The following SP4 variants were observed in gnomAD, a reference collection of about 807,000 sequenced individuals.
SP4 encodes the protein Sp4 transcription factor.
SP4 carries 19 observed loss-of-function variants against 72.8 expected under a neutral mutation model. The ratio of observed to expected loss-of-function variants is 0.26; its 90% CI spans 0.18 to 0.38. SP4 has a LOEUF of 0.38. Ranked by LOEUF, SP4 falls within the 10% of genes least tolerant of loss-of-function variation. SP4 has a pLI of 1.00. For missense variants in SP4, 1,008 were observed against 926.3 expected, an observed-to-expected ratio of 1.09 and a Z score of -1.14; for synonymous variants, 395 against 333.1, an observed-to-expected ratio of 1.19 and a Z score of -2.02.
At chr7:21,436,875 A>G (rs1273603554) in intron 3 of SP4, among the ~76,000 whole-genome samples, 3 of 152,194 alleles carry the variant, frequency 2.0e-5, no homozygotes, top group African/African-American at 4.8e-5. Context: ...CCTTAGCCCT[A>G]TTTTAGAAAT....
intron 3 of SP4, among the ~76,000 whole-genome samples, chr7:21,453,206 G>A (rs1783655624): frequency 6.6e-6 from 1 of 152,224 alleles, no homozygotes; most frequent in Non-Finnish European, 1.5e-5. Context: ...AGTCCATGCA[G>A]TTAACTCCTG....
At chr7:21,485,286 T>C (rs942755404) in intron 5 of SP4, among the ~76,000 whole-genome samples, 1 of 151,964 alleles carries the variant, frequency 6.6e-6, no homozygotes, top group African/African-American at 2.4e-5. Context: ...TATGAATGAA[T>C]GGAGTTATTT....
At chr7:21,496,813 AG>A (rs1316645173) in intron 5 of SP4, among the ~76,000 whole-genome samples, 1 of 152,152 alleles carries the variant, frequency 6.6e-6, no homozygotes, top group Non-Finnish European at 1.5e-5. Flanking sequence ...TTCAGCACTC[AG>A]CCAGTCATTT....
At chr7:21,437,893 C>T (rs938259975) in intron 3 of SP4, among the ~76,000 whole-genome samples, 11 of 152,154 alleles carry the variant, frequency 7.2e-5, no homozygotes, top group African/African-American at 2.7e-4. Flanking sequence ...AAGAAGGATT[C>T]CCAGAATGAA....
chr7:21,491,671 G>C (rs1037895378), intron 5 of SP4, among the ~76,000 whole-genome samples: 1 of 152,142 alleles, frequency 6.6e-6, no homozygotes, highest in Non-Finnish European at 1.5e-5. Flanking sequence ...TTATATACCG[G>C]GGAACAAAAA....
In SP4 at chr7:21,429,922, G is replaced by A; in HGVS notation, c.757G>A (p.Val253Ile). The A allele has an allele frequency of 6.2e-7, 1 of 1,614,208 alleles. No individual in the cohort carries two copies. The highest frequency in any genetic ancestry group is 1.3e-5 in the African/African-American group (1 of 75,062). The part of the protein sequence containing the change: ...LQTLPGTQAQ[V>I]VTTLPINIGG... ...GACTCTTCCTGGTACTCAGGCTCAAGTTGTAACAACCCTACCAATTAACAT... is the reference window on the plus strand; with the variant it reads ...GACTCTTCCTGGTACTCAGGCTCAAATTGTAACAACCCTACCAATTAACAT... Residue 253 changes from valine (V) to isoleucine (I), a missense_variant, in exon 3 of 6, where the codon GTT becomes ATT. By Grantham distance (29) the Val-to-Ile change is conservative. Around this residue, in one of 3 missense-constraint regions of SP4, gnomAD observed 893 missense variants for 743.3 expected, o/e 1.20. Coordinates refer to ENST00000222584, the MANE Select transcript of SP4 (RefSeq NM_003112.5).
intron 5 of SP4, among the ~76,000 whole-genome samples, chr7:21,499,070 ACT>A (rs1476180900): frequency 1.6e-5 from 2 of 125,490 alleles, no homozygotes; most frequent in Admixed American, 8.2e-5. Context: ...ATGGAGCAAG[ACT>A]CTGTCTCAAA....
At chr7:21,481,056 C>G (rs1034257740) in intron 4 of SP4, among the ~76,000 whole-genome samples, 2 of 152,190 alleles carry the variant, frequency 1.3e-5, no homozygotes, top group Non-Finnish European at 2.9e-5. Flanking sequence ...CTGGCCTCTC[C>G]TGGCTTAGAA....
intron 5 of SP4, among the ~76,000 whole-genome samples, chr7:21,497,323 T>G (rs1781736163): frequency 6.6e-6 from 1 of 152,162 alleles, no homozygotes; most frequent in Non-Finnish European, 1.5e-5. Context: ...TTCAGGCTGT[T>G]ATTTTTCAAG....
chr7:21,496,616 A>T (rs184478225), intron 5 of SP4, among the ~76,000 whole-genome samples: 26 of 151,704 alleles, frequency 1.7e-4, no homozygotes, highest in Admixed American at 1.6e-3. Context: ...ACTCGATGTG[A>T]CTCTCTGCAT....
intron 3 of SP4, among the ~76,000 whole-genome samples, chr7:21,434,548 C>T (rs1449199171): frequency 6.6e-6 from 1 of 152,126 alleles, no homozygotes; most frequent in Non-Finnish European, 1.5e-5. Context: ...TATGTGTATG[C>T]TCTGCATACT....
At chr7:21,461,191 C>T (rs1010649258) in intron 3 of SP4, among the ~76,000 whole-genome samples, 16 of 152,320 alleles carry the variant, frequency 1.1e-4, no homozygotes, top group Admixed American at 7.2e-4. Flanking sequence ...CCGTGCCATG[C>T]GCCCGCACTC....
chr7:21,439,459 C>A (rs1008552611), intron 3 of SP4, among the ~76,000 whole-genome samples: 2 of 151,806 alleles, frequency 1.3e-5, no homozygotes, highest in Admixed American at 6.6e-5. Flanking sequence ...TACACTGTAC[C>A]CATTAAGTAA....
At chr7:21,443,077 C>T (rs1392499698) in intron 3 of SP4, among the ~76,000 whole-genome samples, 1 of 152,280 alleles carries the variant, frequency 6.6e-6, no homozygotes, top group African/African-American at 2.4e-5. Context: ...AGAATTAGCT[C>T]AAGGAGTGTT....
At chr7:21,486,382 C>G (rs941776247) in intron 5 of SP4, among the ~76,000 whole-genome samples, 9 of 152,126 alleles carry the variant, frequency 5.9e-5, no homozygotes, top group African/African-American at 1.4e-4. Context: ...ATTAATTACA[C>G]TTTCCACCAA....
chr7:21,467,929 G>A (rs1384064052), intron 3 of SP4, among the ~76,000 whole-genome samples: 2 of 152,116 alleles, frequency 1.3e-5, no homozygotes, highest in South Asian at 2.1e-4. Flanking sequence ...TGAACCTGCT[G>A]TATGATTATT....
At chr7:21,475,406 G>A (rs943831770) in intron 3 of SP4, among the ~76,000 whole-genome samples, 16 of 151,912 alleles carry the variant, frequency 1.1e-4, no homozygotes, top group Admixed American at 2.6e-4. Flanking sequence ...GAGCCACCAC[G>A]CCTGGCCTGA....
At chr7:21,448,982 G>A (rs908286648) in intron 3 of SP4, among the ~76,000 whole-genome samples, 10 of 152,066 alleles carry the variant, frequency 6.6e-5, no homozygotes, top group African/African-American at 1.9e-4. Flanking sequence ...TACCTCTTCC[G>A]GGGTTAACCA....
chr7:21,430,238 C>T lies in SP4; in HGVS notation c.1073C>T (p.Thr358Ile). The T allele has an allele frequency of 6.2e-7, 1 of 1,614,196 alleles. No individual in the cohort carries two copies. The highest frequency in any genetic ancestry group is 8.5e-7 in the Non-Finnish European group (1 of 1,180,044). The change falls in exon 3 of 6, where the codon ACC (threonine) becomes ATC (isoleucine). Residue 358 changes from threonine to isoleucine, a missense_variant. Physicochemically the swap from Thr to Ile is moderately conservative, Grantham distance 89. This residue lies in a region of SP4 where 893 missense variants were observed against 743.3 expected (regional missense o/e 1.20). Coordinates refer to ENST00000222584, the MANE Select transcript of SP4 (RefSeq NM_003112.5). ...ASTSASSSER[T>I]IEESQTPAAT... ...ACATCAGCCAGTAGTTCTGAACGCA[C>T]CATTGAAGAATCTCAAACACCTGCT...
Sources: allele counts gnomAD v4.1 joint callset (sites outside exome capture counted in the v4.1 genomes callset), GRCh38; gene constraint gnomAD v4.1.1; regional missense constraint gnomAD v4.1.1; transcripts MANE v1.5; gene names NCBI Gene and HGNC (gene_info 2026-07-23, HGNC 2026-07-21).